SMIM36: variants seen among roughly 807,000 people sequenced by gnomAD.
The protein encoded by SMIM36 is small integral membrane protein 36.
At chr17:55,452,219 G>A (rs952645960) in intron 4 of SMIM36, among the ~76,000 whole-genome samples, 1 of 151,768 alleles carries the variant, frequency 6.6e-6, no homozygotes, top group African/African-American at 2.4e-5. Flanking sequence ...TCAGGAGTTT[G>A]TGTAAATGTT....
intron 1 of SMIM36, among the ~76,000 whole-genome samples, chr17:55,504,168 A>C (rs2144720532): frequency 8.8e-6 from 1 of 113,144 alleles, no homozygotes; most frequent in Middle Eastern, 3.7e-3. Flanking sequence ...CAGATCAACG[A>C]GACAGAAAGT....
intron 4 of SMIM36, among the ~76,000 whole-genome samples, chr17:55,462,763 T>C (rs557054702): frequency 1.0e-3 from 155 of 152,260 alleles, no homozygotes; most frequent in African/African-American, 3.6e-3. Context: ...CACTTTAATA[T>C]TTACTGTGGG....
At chr17:55,513,190 A>G (rs1379446625), upstream of SMIM36, among the ~76,000 whole-genome samples, 1 of 152,204 alleles carries the variant, frequency 6.6e-6, no homozygotes, top group African/African-American at 2.4e-5. Context: ...GGGGATCTGT[A>G]TTAATAAAAA....
In SMIM36 at chr17:55,489,029, A is replaced by G. The variant is rs117433625; in HGVS notation, c.*175-9449T>C. Among the ~76,000 whole-genome samples the G allele has an allele frequency of 1.1e-3, 171 of 152,314 alleles. 2 individuals carry two copies. In the East Asian group the frequency reaches 0.03, roughly 27 times the overall value. The stretch of plus-strand genomic sequence containing the variant: ...TTGTCACAACTCTGCGGTAGATACC[A>G]TGGTTATTCAACATGTACAATAGGG... On this transcript the variant is annotated intron_variant, in intron 1 of 4. Transcript: ENST00000636752.
exon 2 of SMIM36, chr17:55,479,519 G>A (rs759139866): frequency 6.6e-6 from 1 of 152,248 alleles, no homozygotes; most frequent in Non-Finnish European, 1.5e-5. Context: ...AGTAGGCAGA[G>A]GTTGCAGTGA....
At chr17:55,520,985 G>GT in the SMIM36 span, among the ~76,000 whole-genome samples, 1 of 152,140 alleles carries the variant, frequency 6.6e-6, no homozygotes, top group Non-Finnish European at 1.5e-5. Context: ...TTAGCCAGGC[G>GT]TGGTGGTGCA....
chr17:55,471,707 G>A (rs2143259957), intron 3 of SMIM36, among the ~76,000 whole-genome samples: 1 of 152,228 alleles, frequency 6.6e-6, no homozygotes, highest in Middle Eastern at 3.4e-3. Context: ...TCCTACACTA[G>A]GACTCCTTGA....
intron 4 of SMIM36, among the ~76,000 whole-genome samples, chr17:55,460,059 G>C (rs1251055463): frequency 1.3e-5 from 2 of 152,064 alleles, no homozygotes; most frequent in African/African-American, 4.8e-5. Context: ...ATCACTACTA[G>C]TAGTAGTAAC....
At chr17:55,471,946 C>A (rs1909346694) in intron 3 of SMIM36, among the ~76,000 whole-genome samples, 1 of 152,194 alleles carries the variant, frequency 6.6e-6, no homozygotes, top group Non-Finnish European at 1.5e-5. Flanking sequence ...TTCTCACAAC[C>A]TTCAAGCATT....
chr17:55,464,573 A>G (rs1909203333), intron 4 of SMIM36, among the ~76,000 whole-genome samples: 1 of 152,224 alleles, frequency 6.6e-6, no homozygotes, highest in African/African-American at 2.4e-5. Context: ...AACTCAGTAC[A>G]CACAGAAGGA....
chr17:55,499,080 T>C (rs1006203063), intron 1 of SMIM36, among the ~76,000 whole-genome samples: 2 of 146,952 alleles, frequency 1.4e-5, no homozygotes, highest in African/African-American at 5.1e-5. Context: ...AGAGGGGAAA[T>C]TGAGTGAGGC....
At chr17:55,512,110 G>T (rs895012861), upstream of SMIM36, among the ~76,000 whole-genome samples, 2 of 152,202 alleles carry the variant, frequency 1.3e-5, no homozygotes, top group Non-Finnish European at 2.9e-5. Flanking sequence ...GCGTGTCCCA[G>T]TGTGGGTCAA....
At chr17:55,519,274 G>A in the SMIM36 span, among the ~76,000 whole-genome samples, 1 of 152,058 alleles carries the variant, frequency 6.6e-6, no homozygotes, top group Non-Finnish European at 1.5e-5. Context: ...ATAGAAGGTT[G>A]GCGCAAGAGG....
intron 1 of SMIM36, among the ~76,000 whole-genome samples, chr17:55,483,335 G>A (rs567536537): frequency 2.0e-5 from 3 of 152,264 alleles, no homozygotes; most frequent in Admixed American, 2.0e-4. Flanking sequence ...TTTAAAATAT[G>A]GAGACAGTGT....
rs1339587448 is a variant in SMIM36, at chr17:55,460,454, A to AAC, written c.*531+6690_*531+6691insGT. ...GAAACAAAAAACAAAAAACAAAACAAAAAAAAAGAACAACAACAACAAAAA... is the reference window on the plus strand; with the variant it reads ...GAAACAAAAAACAAAAAACAAAACAAACAAAAAAAGAACAACAACAACAAAAA... On this transcript the variant is annotated intron_variant, in intron 4 of 4. Transcript: ENST00000636752. Among the ~76,000 whole-genome samples the AAC allele has an allele frequency of 3.6e-3, 543 of 150,698 alleles. 5 individuals carry two copies. The highest frequency in any genetic ancestry group is 8.4e-3 in the South Asian group (40 of 4,740).
intron 3 of SMIM36, among the ~76,000 whole-genome samples, chr17:55,474,211 T>C (rs571246836): frequency 1.7e-4 from 26 of 152,232 alleles, no homozygotes; most frequent in Non-Finnish European, 3.2e-4. Context: ...TGAGGGGTTT[T>C]GTCTGCGGCT....
At chr17:55,461,546 G>C (rs1185183531) in intron 4 of SMIM36, among the ~76,000 whole-genome samples, 2 of 152,090 alleles carry the variant, frequency 1.3e-5, no homozygotes, top group Admixed American at 1.3e-4. Flanking sequence ...AGGCTGTAGT[G>C]AGCTGTGATC....
chr17:55,493,048 C>T (rs1909740806), intron 1 of SMIM36, among the ~76,000 whole-genome samples: 1 of 152,176 alleles, frequency 6.6e-6, no homozygotes, highest in Non-Finnish European at 1.5e-5. Flanking sequence ...GGGGTGTGTG[C>T]ATGCATTCTG....
chr17:55,519,780 C>T, the SMIM36 span, among the ~76,000 whole-genome samples: 132 of 152,262 alleles, frequency 8.7e-4, no homozygotes, highest in African/African-American at 3.2e-3. Flanking sequence ...ATGTCCTTCA[C>T]TGATGTATGG....
Sources: allele counts gnomAD v4.1 joint callset (sites outside exome capture counted in the v4.1 genomes callset), GRCh38; gene constraint gnomAD v4.1.1; transcripts MANE v1.5; gene names NCBI Gene and HGNC (gene_info 2026-07-23, HGNC 2026-07-21).